Variants in LRRC7 observed in about 807,000 individuals in gnomAD.
LRRC7 encodes the protein leucine rich repeat containing 7.
In LRRC7, 23 loss-of-function variants were observed where a neutral mutation model predicts 175.7. The observed-to-expected ratio is 0.13, with a 90% confidence interval of 0.09 to 0.19. The LOEUF is 0.19. Ranked by LOEUF, LRRC7 falls within the 10% of genes least tolerant of loss-of-function variation. The pLI, the probability that LRRC7 is intolerant of heterozygous loss-of-function variation, is 1.00. For synonymous variants in LRRC7, 685 were observed against 680.9 expected (o/e 1.01, Z -0.09); for missense variants, 1,354 against 1,904.7 (o/e 0.71, Z 5.38).
intron 1 of LRRC7, among the ~76,000 whole-genome samples, chr1:69,669,729 C>G (rs1037549293): frequency 2.0e-5 from 3 of 152,086 alleles, no homozygotes; most frequent in African/African-American, 7.2e-5. Flanking sequence ...TTTTCTAGAT[C>G]TTGTAGTCAT....
At chr1:70,111,560 G>T (rs558247808) in intron 26 of LRRC7, among the ~76,000 whole-genome samples, 1 of 152,054 alleles carries the variant, frequency 6.6e-6, no homozygotes, top group Non-Finnish European at 1.5e-5. Context: ...TTAATTTATC[G>T]TCATAGTTTC....
chr1:69,605,620 A>G (rs7543713), intron 1 of LRRC7, among the ~76,000 whole-genome samples: 6,109 of 152,246 alleles, frequency 0.04, 396 homozygotes, highest in African/African-American at 0.14. Flanking sequence ...GGTAAGTGCC[A>G]TGTGATGATA....
intron 7 of LRRC7, among the ~76,000 whole-genome samples, chr1:69,906,045 A>C (rs1646297103): frequency 6.6e-6 from 1 of 152,228 alleles, no homozygotes; most frequent in Non-Finnish European, 1.5e-5. Context: ...TTTTGGCTGC[A>C]TAAATGTCTT....
chr1:69,912,401 A>T (rs938125920), intron 7 of LRRC7, among the ~76,000 whole-genome samples: 15 of 152,156 alleles, frequency 9.9e-5, no homozygotes, highest in Admixed American at 4.6e-4. Context: ...TTTCAGTAAC[A>T]TTCAACATCT....
intron 25 of LRRC7, among the ~76,000 whole-genome samples, chr1:70,099,828 C>A (rs583035): frequency 0.59 from 89,873 of 151,892 alleles, 27,287 homozygotes; most frequent in Middle Eastern, 0.67. Flanking sequence ...GTAAACTGTA[C>A]AAAGCTTAGC....
chr1:70,105,473 T>C (rs779421327), intron 25 of LRRC7, among the ~76,000 whole-genome samples: 1 of 152,208 alleles, frequency 6.6e-6, no homozygotes, highest in Non-Finnish European at 1.5e-5. Context: ...TTAGAAGATA[T>C]CCTTGCAGAT....
At chr1:69,740,519 A>T (rs1039092747) in intron 2 of LRRC7, among the ~76,000 whole-genome samples, 7 of 152,098 alleles carry the variant, frequency 4.6e-5, no homozygotes, top group Admixed American at 1.3e-4. Context: ...ATCCCAGCAG[A>T]TTCAGGGGGA....
At chr1:69,590,042 T>A (rs1238416291) in intron 1 of LRRC7, among the ~76,000 whole-genome samples, 3 of 152,200 alleles carry the variant, frequency 2.0e-5, no homozygotes, top group African/African-American at 7.2e-5. Context: ...TGAAAGCCAC[T>A]GCCTCCACAG....
chr1:69,743,465 C>T (rs562629219), intron 2 of LRRC7, among the ~76,000 whole-genome samples: 1 of 151,970 alleles, frequency 6.6e-6, no homozygotes, highest in South Asian at 2.1e-4. Context: ...AGAAGTTGAC[C>T]ATATATGTAG....
intron 2 of LRRC7, among the ~76,000 whole-genome samples, chr1:69,711,892 G>A (rs370524661): frequency 3.9e-5 from 6 of 152,248 alleles, no homozygotes; most frequent in African/African-American, 7.2e-5. Flanking sequence ...TGCAGCTTGG[G>A]CCACAGAAAG....
rs1667048709 is a variant in LRRC7, at chr1:70,141,200, T to C, written c.*19313T>C. Among the ~76,000 whole-genome samples, 2 of 152,052 alleles carry C rather than the reference T, an allele frequency of 1.3e-5. No homozygotes were observed. The highest frequency in any genetic ancestry group is 4.1e-4 in the South Asian group (2 of 4,824). On this transcript the variant is annotated 3_prime_UTR_variant, in exon 27 of 27. Coordinates refer to ENST00000651989, the MANE Select transcript of LRRC7 (RefSeq NM_001370785.2). ...AATGAGCAAGGGAGCTTCATTCAGT[T>C]GGGACAATTCAGGGTTCAGGTACGA... is the stretch of plus-strand genomic sequence containing the variant.
At chr1:69,778,822 C>T (rs1010937752) in intron 3 of LRRC7, among the ~76,000 whole-genome samples, 6 of 151,936 alleles carry the variant, frequency 3.9e-5, no homozygotes, top group Admixed American at 2.0e-4. Flanking sequence ...CAAAGTTAGG[C>T]CTTTTGTCAC....
chr1:69,983,791 A>G (rs1324474972), intron 9 of LRRC7, among the ~76,000 whole-genome samples: 1 of 152,108 alleles, frequency 6.6e-6, no homozygotes, highest in African/African-American at 2.4e-5. Flanking sequence ...ACTGGTGTTG[A>G]TCCTAAACAC....
intron 18 of LRRC7, among the ~76,000 whole-genome samples, chr1:70,033,698 A>C (rs1013815251): frequency 6.6e-6 from 1 of 152,268 alleles, no homozygotes; most frequent in Non-Finnish European, 1.5e-5. Context: ...TCCGGTCATA[A>C]TTTTGGTATA....
At chr1:70,112,530 T>C (rs1019052298) in intron 26 of LRRC7, among the ~76,000 whole-genome samples, 2 of 152,190 alleles carry the variant, frequency 1.3e-5, no homozygotes, top group African/African-American at 4.8e-5. Flanking sequence ...ATGTATCTAA[T>C]AAATGTTGTA....
At chr1:69,671,970 G>A (rs953143979) in intron 1 of LRRC7, among the ~76,000 whole-genome samples, 1 of 152,096 alleles carries the variant, frequency 6.6e-6, no homozygotes, top group Non-Finnish European at 1.5e-5. Flanking sequence ...AGCACTGTGA[G>A]TGTTCACCTG....
chr1:70,016,007 C>A (rs1571020773), intron 13 of LRRC7, among the ~76,000 whole-genome samples: 1 of 151,972 alleles, frequency 6.6e-6, no homozygotes, highest in Non-Finnish European at 1.5e-5. Context: ...GCTTTGAAAC[C>A]AGATTGAGGG....
chr1:70,130,050 T>C lies in LRRC7; in HGVS notation c.*8163T>C, dbSNP rs1313350025. 6.6e-6 allele frequency: 1 copy of C among 152,176 alleles called. No individual in the cohort carries two copies. The highest frequency in any genetic ancestry group is 1.5e-5 in the Non-Finnish European group (1 of 68,048). The allele number at this position is 152,176 out of a possible 1,614,324, so 9.4% of individuals were successfully genotyped here. A position where few individuals can be genotyped will look rare whatever the true frequency, so the allele number is the denominator to read the frequency against. On this transcript the variant is annotated 3_prime_UTR_variant, in exon 27 of 27. Transcript: ENST00000651989. The stretch of plus-strand genomic sequence containing the variant: ...CCCAGCTCAAACAGCACTAGAACCA[T>C]GAAACCCTCCCTAGTCTTCATGGAA...
chr1:70,080,574 G>A (rs963693461), intron 24 of LRRC7, among the ~76,000 whole-genome samples: 1 of 152,122 alleles, frequency 6.6e-6, no homozygotes, highest in Admixed American at 6.5e-5. Flanking sequence ...TGAGTATCAA[G>A]TCTGTTTTCA....
Sources: allele counts gnomAD v4.1 joint callset (sites outside exome capture counted in the v4.1 genomes callset), GRCh38; gene constraint gnomAD v4.1.1; transcripts MANE v1.5; gene names NCBI Gene and HGNC (gene_info 2026-07-23, HGNC 2026-07-21).